Variants in FRAS1 observed in about 807,000 individuals in gnomAD.
FRAS1 encodes the protein extracellular matrix organizing protein FRAS1.
In FRAS1, 290 loss-of-function variants were observed where a neutral mutation model predicts 435.2. The ratio of observed to expected loss-of-function variants is 0.67; its 90% CI spans 0.61 to 0.73. FRAS1 has a LOEUF of 0.73. FRAS1 is among the 30% of genes least tolerant of loss of function. FRAS1 has a pLI of 0.00. For synonymous variants in FRAS1, 1,800 were observed against 1,851.0 expected (o/e 0.97, Z 0.71); for missense variants, 4,860 against 5,001.5 (o/e 0.97, Z 0.85).
At chr4:78,504,283 G>A (rs1720766987) in intron 61 of FRAS1, among the ~76,000 whole-genome samples, 1 of 152,226 alleles carries the variant, frequency 6.6e-6, no homozygotes, top group Non-Finnish European at 1.5e-5. Context: ...TCAACCTTCT[G>A]TCTCATTGAT....
At chr4:78,454,539 C>G (rs769989983) in intron 47 of FRAS1, among the ~76,000 whole-genome samples, 4 of 152,150 alleles carry the variant, frequency 2.6e-5, no homozygotes, top group Non-Finnish European at 4.4e-5. Context: ...AGCAGCACCC[C>G]CAAGACCTTG....
At chr4:78,493,322 A>G (rs60253739) in intron 59 of FRAS1, among the ~76,000 whole-genome samples, 33,461 of 152,196 alleles carry the variant, frequency 0.22, 4,204 homozygotes, top group African/African-American at 0.33. Context: ...CCAAAGAATT[A>G]TAAATCTTTC....
chr4:78,156,321 ATT>A (rs572235027), intron 2 of FRAS1, among the ~76,000 whole-genome samples: 20 of 145,482 alleles, frequency 1.4e-4, no homozygotes, highest in Non-Finnish European at 1.7e-4. Flanking sequence ...GAAAGTCCTC[ATT>A]TTTTTTTTTT....
intron 61 of FRAS1, among the ~76,000 whole-genome samples, chr4:78,503,834 T>A (rs1720750833): frequency 6.6e-6 from 1 of 152,252 alleles, no homozygotes; most frequent in African/African-American, 2.4e-5. Flanking sequence ...TCTCTCCTGC[T>A]TTCTCTTGTG....
Position 78,367,234 on chromosome 4 carries a change from G to A in FRAS1, c.2723-2604G>A, listed in dbSNP as rs181228778. On this transcript the variant is annotated intron_variant, in intron 22 of 73. Transcript: ENST00000512123. ...AGCCTGGGCAAAAAAGTGAGATCCT[G>A]TCTCTAGAAAAAATTAAAAAATAAG... is the stretch of plus-strand genomic sequence containing the variant. Among the ~76,000 whole-genome samples, 264 of 152,080 alleles carry A rather than the reference G, an allele frequency of 1.7e-3. 6 individuals carry two copies. The highest frequency in any genetic ancestry group is 1.2e-3 in the East Asian group (6 of 5,162).
At chr4:78,339,162 C>T (rs892932030) in intron 20 of FRAS1, among the ~76,000 whole-genome samples, 1 of 152,130 alleles carries the variant, frequency 6.6e-6, no homozygotes, top group African/African-American at 2.4e-5. Flanking sequence ...GATAGTAGTG[C>T]CCATCCCTGA....
At chr4:78,137,553 C>T (rs1158197219) in intron 2 of FRAS1, among the ~76,000 whole-genome samples, 1 of 152,172 alleles carries the variant, frequency 6.6e-6, no homozygotes, top group Non-Finnish European at 1.5e-5. Flanking sequence ...TGCTGTCTCT[C>T]AGAAATGGAT....
chr4:78,454,325 GC>G (rs1298283003), intron 47 of FRAS1, among the ~76,000 whole-genome samples: 1 of 152,140 alleles, frequency 6.6e-6, no homozygotes, highest in African/African-American at 2.4e-5. Flanking sequence ...GAAGAGATGA[GC>G]TTTAAATGGT....
Position 78,473,520 on chromosome 4 carries a change from G to A in FRAS1, c.7605G>A (p.Val2535=). 1.9e-6 allele frequency: 3 copies of A among 1,613,400 alleles called. No individual in the cohort carries two copies. Among genetic ancestry groups the A allele is most frequent in the Non-Finnish European group, 2.5e-6 (3 of 1,179,554 alleles). ...REMMDSFQFL[V]KDSKPNVVSD... ...TGATGGATAGTTTTCAGTTTCTGGT[G>A]AAAGACAGTAAACCCAATGTGGTCA... The change falls in exon 53 of 74, where the codon GTG becomes GTA. Residue 2535 remains valine (V), a synonymous_variant. Transcript: ENST00000512123.
At chr4:78,097,642 A>G (rs773004432) in intron 2 of FRAS1, among the ~76,000 whole-genome samples, 2 of 149,380 alleles carry the variant, frequency 1.3e-5, no homozygotes, top group Non-Finnish European at 3.0e-5. Context: ...CCATCAGATC[A>G]TATGAGACTT....
At chr4:78,496,598 C>G (rs996667459) in intron 59 of FRAS1, among the ~76,000 whole-genome samples, 4 of 152,154 alleles carry the variant, frequency 2.6e-5, no homozygotes, top group African/African-American at 7.2e-5. Context: ...TTGGCATATT[C>G]TAATACAAGT....
intron 20 of FRAS1, among the ~76,000 whole-genome samples, chr4:78,355,729 C>T (rs576405834): frequency 2.0e-5 from 3 of 152,310 alleles, no homozygotes; most frequent in Non-Finnish European, 2.9e-5. Context: ...ACCGTATACA[C>T]TTCCTCTACT....
chr4:78,307,986 A>G, intron 14 of FRAS1, 80 bp from the exon 15 acceptor site: 1 of 1,395,488 alleles, frequency 7.2e-7, no homozygotes, highest in Middle Eastern at 1.8e-4. Flanking sequence ...CTCCTTGTGT[A>G]TTCTAAAATA....
At chr4:78,421,444 A>G (rs983215000) in intron 33 of FRAS1, among the ~76,000 whole-genome samples, 1 of 152,102 alleles carries the variant, frequency 6.6e-6, no homozygotes, top group African/African-American at 2.4e-5. Context: ...CACCACGCCC[A>G]GCCTCCCTGC....
chr4:78,451,571 C>G (rs1357951762), intron 45 of FRAS1, among the ~76,000 whole-genome samples: 2 of 152,044 alleles, frequency 1.3e-5, no homozygotes, highest in African/African-American at 4.8e-5. Flanking sequence ...ATGAGAAGGT[C>G]TTTGGTTATG....
In FRAS1 at chr4:78,519,327, G is replaced by A. The variant is rs754487547; in HGVS notation, c.10390-4G>A. On this transcript the variant is annotated splice_polypyrimidine_tract_variant and splice_region_variant and intron_variant, in intron 66 of 73. Coordinates refer to ENST00000512123, the MANE Select transcript of FRAS1 (RefSeq NM_025074.7). ...ACTCTGTGTGCATACTGCTTCCTCG[G>A]CAGGTGAGGGACTCTGCCCAGTCCT... 2.0e-6 allele frequency: 3 copies of A among 1,522,032 alleles called. No homozygotes were observed. The South Asian group carries it at 4.0e-5, about 20-fold the overall frequency. 94.3% of individuals were successfully genotyped at this position (1,522,032 alleles called of 1,614,324 possible). A position where few individuals can be genotyped will look rare whatever the true frequency, so the allele number is the denominator to read the frequency against.
chr4:78,096,803 G>A lies in FRAS1; in HGVS notation c.108+30787G>A, dbSNP rs770743927. Among the ~76,000 whole-genome samples the A allele has an allele frequency of 4.6e-5, 7 of 152,330 alleles. No individual in the cohort carries two copies. The East Asian group carries it at 5.8e-4, about 13-fold the overall frequency. On this transcript the variant is annotated intron_variant, in intron 2 of 73. Transcript: ENST00000512123. ...CCTCCTAGGCCTCTAGGCCTGTGATGGAAGGGGCTGCTGTGAAGACCTCTG... is the reference window on the plus strand; with the variant it reads ...CCTCCTAGGCCTCTAGGCCTGTGATAGAAGGGGCTGCTGTGAAGACCTCTG...
chr4:78,506,891 C>T (rs1164929781), intron 61 of FRAS1, among the ~76,000 whole-genome samples: 1 of 152,082 alleles, frequency 6.6e-6, no homozygotes, highest in Admixed American at 6.5e-5. Flanking sequence ...GGAACGGTAC[C>T]CAAAGTGGGT....
chr4:78,328,607 A>T (rs774451101), intron 18 of FRAS1, among the ~76,000 whole-genome samples: 32 of 152,214 alleles, frequency 2.1e-4, no homozygotes, highest in Non-Finnish European at 4.3e-4. Flanking sequence ...CTTAAACATC[A>T]GTTCATTCAT....
Sources: allele counts gnomAD v4.1 joint callset (sites outside exome capture counted in the v4.1 genomes callset), GRCh38; gene constraint gnomAD v4.1.1; transcripts MANE v1.5; gene names NCBI Gene and HGNC (gene_info 2026-07-23, HGNC 2026-07-21).